PDE4A: variants seen among roughly 807,000 people sequenced by gnomAD.
The protein encoded by PDE4A is phosphodiesterase 4A.
PDE4A carries 21 observed loss-of-function variants against 73.9 expected under a neutral mutation model. The ratio of observed to expected loss-of-function variants is 0.28; its 90% CI spans 0.20 to 0.41. PDE4A has a LOEUF of 0.41. Ranked by LOEUF, PDE4A falls within the 10% of genes least tolerant of loss-of-function variation. The pLI is 1.00. For missense variants in PDE4A, 958 were observed against 1,211.4 expected, an observed-to-expected ratio of 0.79 and a Z score of 3.10; for synonymous variants, 463 against 505.4, an observed-to-expected ratio of 0.92 and a Z score of 1.13.
chr19:10,428,556 A>G (rs1423976422), intron 1 of PDE4A, among the ~76,000 whole-genome samples: 7 of 152,192 alleles, frequency 4.6e-5, no homozygotes, highest in Non-Finnish European at 1.0e-4. Flanking sequence ...TTCAGTAAAT[A>G]TTTGTCAAAT....
rs550358993 is a variant in PDE4A, at chr19:10,464,441, G to A, written c.1926+466G>A. The A allele has an allele frequency of 7.3e-4, 331 of 455,192 alleles. 1 individual carries two copies. The Middle Eastern group carries it at 0.011, about 15-fold the overall frequency. 28.2% of individuals were successfully genotyped at this position (455,192 alleles called of 1,614,324 possible). ...GGTTTTATTTATTTATTTTGAGACCGGGTCTTGCACTGTTGCCCAGGGTAG... is the reference window on the plus strand; with the variant it reads ...GGTTTTATTTATTTATTTTGAGACCAGGTCTTGCACTGTTGCCCAGGGTAG... On this transcript the variant is annotated intron_variant, in intron 14 of 14. Transcript: ENST00000380702.
At chr19:10,427,518 C>G (rs779260990) in intron 1 of PDE4A, 2 of 985,386 alleles carry the variant, frequency 2.0e-6, no homozygotes, top group Non-Finnish European at 2.4e-6. Context: ...AGGCCATGAT[C>G]AAGGTTGGCT....
At chr19:10,428,782 A>C (rs1160444472) in intron 1 of PDE4A, 1 of 985,312 alleles carries the variant, frequency 1.0e-6, no homozygotes, top group East Asian at 1.1e-4. Flanking sequence ...TCTGGGCCCC[A>C]TGGCATCAGA....
intron 1 of PDE4A, among the ~76,000 whole-genome samples, chr19:10,425,984 CAAAAAAAAAAAAAAAAAAA>C (rs1168197109): frequency 4.1e-5 from 2 of 48,384 alleles, no homozygotes; most frequent in Non-Finnish European, 7.6e-5. Context: ...GAGACCCTGT[CAAAAAAAAAAAAAAAAAAA>C]AAAAAAAAAA....
At chr19:10,462,921 T>C (rs1266249078) in intron 13 of PDE4A, among the ~76,000 whole-genome samples, 1 of 152,094 alleles carries the variant, frequency 6.6e-6, no homozygotes, top group East Asian at 1.9e-4. Context: ...AAGCTGGGTG[T>C]GGTGGCTCAC....
chr19:10,448,005 T>C (rs959645079), intron 2 of PDE4A, among the ~76,000 whole-genome samples: 2 of 152,076 alleles, frequency 1.3e-5, no homozygotes, highest in African/African-American at 4.8e-5. Context: ...CTCATAATCC[T>C]AGCACATTTG....
chr19:10,423,220 G>A (rs1211466150), intron 1 of PDE4A: 12 of 703,722 alleles, frequency 1.7e-5, no homozygotes, highest in African/African-American at 4.1e-5. Flanking sequence ...GTGCAGTGGC[G>A]TGATCTCAGC....
At position 10,420,678 on chromosome 19, in the gene PDE4A, C is replaced by G; in HGVS notation, c.-87C>G. On this transcript the variant is annotated 5_prime_UTR_variant, in exon 1 of 15. Transcript: ENST00000380702. The surrounding 1 kb of genome is among the most constrained non-coding windows in gnomAD (Gnocchi z 6.0). ...ACCGCGGCCGGGCGCACCCGCGGGG[C>G]CCTGGGCTCGCTGGCTTGCGCGCAG... 1 of 1,381,526 alleles carries G rather than the reference C, an allele frequency of 7.2e-7. No individual in the cohort carries two copies. Among genetic ancestry groups the G allele is most frequent in the Non-Finnish European group, 9.3e-7 (1 of 1,077,496 alleles). 85.6% of individuals were successfully genotyped at this position (1,381,526 alleles called of 1,614,324 possible). A position where few individuals can be genotyped will look rare whatever the true frequency, so the allele number is the denominator to read the frequency against.
chr19:10,421,317 G>C (rs968451590), intron 1 of PDE4A: 1 of 985,338 alleles, frequency 1.0e-6, no homozygotes, highest in African/African-American at 1.7e-5. Context: ...CACGCTGCGC[G>C]TGGTGTTAAC....
chr19:10,447,263 TC>T (rs1422784164), intron 2 of PDE4A, among the ~76,000 whole-genome samples: 1 of 119,932 alleles, frequency 8.3e-6, no homozygotes, highest in Admixed American at 9.4e-5. Flanking sequence ...TCTCACACTG[TC>T]GCCCAGGCTG....
intron 4 of PDE4A, among the ~76,000 whole-genome samples, chr19:10,449,385 A>G (rs2043059131): frequency 2.0e-5 from 3 of 151,988 alleles, no homozygotes; most frequent in Admixed American, 1.3e-4. Flanking sequence ...TTTGAGATCA[A>G]GTCTCACTCT....
At position 10,463,917 on chromosome 19, in the gene PDE4A, G is replaced by A. The variant is rs200528436; in HGVS notation, c.1868G>A (p.Arg623His). The change falls in exon 14 of 15, where the codon CGT (arginine) becomes CAT (histidine). Residue 623 changes from arginine to histidine, a missense_variant. Physicochemically the swap from Arg to His is conservative, Grantham distance 29 (BLOSUM62 0). Transcript: ENST00000380702. The stretch of plus-strand genomic sequence containing the variant: ...CAGCAGGGTGACCGAGAGCGCGAGC[G>A]TGGCATGGAAATCAGCCCCATGTGT... ...FFQQGDRERE[R>H]GMEISPMCDK... 7 of 1,613,920 alleles carry A rather than the reference G, an allele frequency of 4.3e-6. No individual in the cohort carries two copies. Among genetic ancestry groups the A allele is most frequent in the South Asian group, 2.2e-5 (2 of 91,082 alleles).
intron 4 of PDE4A, among the ~76,000 whole-genome samples, chr19:10,449,452 C>T (rs1003179916): frequency 2.0e-5 from 3 of 152,052 alleles, no homozygotes; most frequent in Non-Finnish European, 4.4e-5. Flanking sequence ...CTCTGCCTCC[C>T]GGGTTCAAGC....
At chr19:10,445,693 G>A (rs909804175) in intron 1 of PDE4A, among the ~76,000 whole-genome samples, 3 of 150,918 alleles carry the variant, frequency 2.0e-5, no homozygotes, top group Admixed American at 6.6e-5. Context: ...ACTTGAATCC[G>A]GGAGGTGGAG....
chr19:10,431,026 G>A (rs895200092), intron 1 of PDE4A: 2 of 1,578,336 alleles, frequency 1.3e-6, no homozygotes, highest in South Asian at 1.1e-5. Flanking sequence ...ACTTTCCGCA[G>A]ACGCCTTCGG....
rs1011109273 is a variant in PDE4A, at chr19:10,453,971, A to G, written c.784-858A>G. ...CCAAGTGTCCCTCCTGCTTCCCTGGACAGAGTCTGCTCCTGCTTTTGGGGT... is the reference window on the plus strand; with the variant it reads ...CCAAGTGTCCCTCCTGCTTCCCTGGGCAGAGTCTGCTCCTGCTTTTGGGGT... On this transcript the variant is annotated intron_variant, in intron 6 of 14. Transcript: ENST00000380702. This position sits in a 1 kb window ranked among gnomAD's most constrained non-coding sequence, Gnocchi z 4.6. 6.6e-6 allele frequency among the ~76,000 whole-genome samples: 1 copy of G among 151,922 alleles called. No individual in the cohort carries two copies. The highest frequency in any genetic ancestry group is 2.4e-5 in the African/African-American group (1 of 41,330).
intron 6 of PDE4A, among the ~76,000 whole-genome samples, chr19:10,454,251 G>A (rs1409383521): frequency 6.6e-6 from 1 of 151,838 alleles, no homozygotes; most frequent in Non-Finnish European, 1.5e-5. Context: ...CCCCTACCCC[G>A]GCCAAACCTT....
chr19:10,420,453 G>A, upstream of PDE4A: 1 of 875,000 alleles, frequency 1.1e-6, no homozygotes, highest in Non-Finnish European at 1.4e-6. This position sits in a 1 kb window ranked among gnomAD's most constrained non-coding sequence, Gnocchi z 6.0. Context: ...GCCGCGGCGG[G>A]CGGGGGGCGG....
rs1189512538 is a variant in PDE4A, at chr19:10,458,040, C to A, written c.1039C>A (p.Leu347Met). ...GLKKLMHSNS[L>M]NNSNIPRFGV... Reference sequence around the variant, plus strand: ...GAAAAAGTTGATGCATAGTAACAGCCTGAACAACTCTAACATTCCCCGATT... The same window carrying A: ...GAAAAAGTTGATGCATAGTAACAGCATGAACAACTCTAACATTCCCCGATT... The change falls in exon 8 of 15, where the codon CTG becomes ATG. Residue 347 changes from leucine (L) to methionine (M), a missense_variant. Leu to Met is a conservative substitution (Grantham distance 15, BLOSUM62 2). Coordinates refer to ENST00000380702, the MANE Select transcript of PDE4A (RefSeq NM_001111307.2). This position sits in a 1 kb window ranked among gnomAD's most constrained non-coding sequence, Gnocchi z 4.6. 1 of 1,613,790 alleles carries A rather than the reference C, an allele frequency of 6.2e-7. No individual in the cohort carries two copies. The highest frequency in any genetic ancestry group is 2.2e-5 in the East Asian group (1 of 44,900).
Sources: allele counts gnomAD v4.1 joint callset (sites outside exome capture counted in the v4.1 genomes callset), GRCh38; gene constraint gnomAD v4.1.1; non-coding constraint Gnocchi (gnomAD v3.1); transcripts MANE v1.5; gene names NCBI Gene and HGNC (gene_info 2026-07-23, HGNC 2026-07-21).